Variants in CORIN observed in about 807,000 individuals in gnomAD.
CORIN encodes the protein corin, serine peptidase.
Under a neutral mutation model 125.3 loss-of-function variants are expected in CORIN, and 117 were observed. The ratio of observed to expected loss-of-function variants is 0.93; its 90% CI spans 0.80 to 1.09. The LOEUF is 1.09. Among genes scored for constraint, CORIN ranks in the 50% least tolerant of loss-of-function variants. The pLI is 0.00. For synonymous variants in CORIN, 450 were observed against 466.4 expected (o/e 0.96, Z 0.45); for missense variants, 1,253 against 1,306.7 (o/e 0.96, Z 0.63).
In CORIN at chr4:47,674,467, C is replaced by T; in HGVS notation, c.1283G>A (p.Cys428Tyr). 6.2e-7 allele frequency: 1 copy of T among 1,613,882 alleles called. No individual in the cohort carries two copies. The highest frequency in any genetic ancestry group is 8.5e-7 in the Non-Finnish European group (1 of 1,179,782). ...TGAATCAAGGCAGGGATTGTAGAGG[C>T]ATCTTTGGTCTCCTTCTTGACATGA... ...QTSCQEGDQR[C>Y]LYNPCLDSCG... is the part of the protein sequence containing the mutation. The change falls in exon 10 of 22, where the codon TGC (cysteine) becomes TAC (tyrosine). Residue 428 changes from cysteine (C) to tyrosine (Y), a missense_variant. Coordinates refer to ENST00000273857, the MANE Select transcript of CORIN (RefSeq NM_006587.4).
chr4:47,708,540 G>C (rs1013575364), intron 5 of CORIN, among the ~76,000 whole-genome samples: 1 of 152,114 alleles, frequency 6.6e-6, no homozygotes, highest in African/African-American at 2.4e-5. Context: ...CAGGTCCCAG[G>C]ATTTAGGACA....
At chr4:47,712,840 G>T (rs1242269290) in intron 5 of CORIN, among the ~76,000 whole-genome samples, 1 of 152,072 alleles carries the variant, frequency 6.6e-6, no homozygotes, top group Non-Finnish European at 1.5e-5. Context: ...GGAAAGAAAT[G>T]TGCATCAGAA....
At chr4:47,815,211 C>G (rs1732214531) in intron 1 of CORIN, among the ~76,000 whole-genome samples, 1 of 152,030 alleles carries the variant, frequency 6.6e-6, no homozygotes, top group Non-Finnish European at 1.5e-5. Context: ...AAAGGTCTTT[C>G]TCCAACCACA....
chr4:47,603,174 TG>T (rs1014940529), intron 20 of CORIN, among the ~76,000 whole-genome samples: 4 of 152,140 alleles, frequency 2.6e-5, no homozygotes, highest in Admixed American at 2.0e-4. Flanking sequence ...CGAGGTCTGA[TG>T]GTTTTATAAG....
In CORIN at chr4:47,694,919, A is replaced by C. The variant is rs565090598; in HGVS notation, c.800-1836T>G. Among the ~76,000 whole-genome samples the C allele has an allele frequency of 5.3e-5, 8 of 152,378 alleles. No homozygotes were observed. In the South Asian group the frequency reaches 1.7e-3, roughly 32 times the overall value. ...AGGAAATCAGCATTTCAACTCATTG[A>C]ACATTAAGCATTAGTTGATCTGGTA... On this transcript the variant is annotated intron_variant, in intron 5 of 21. Coordinates refer to ENST00000273857, the MANE Select transcript of CORIN (RefSeq NM_006587.4).
At chr4:47,639,544 T>G (rs1391729473) in intron 16 of CORIN, among the ~76,000 whole-genome samples, 4 of 152,266 alleles carry the variant, frequency 2.6e-5, no homozygotes, top group Non-Finnish European at 5.9e-5. Context: ...AAGTTTTTGA[T>G]GCAGAATATG....
At chr4:47,686,861 A>G (rs1335399763) in intron 6 of CORIN, among the ~76,000 whole-genome samples, 1 of 152,170 alleles carries the variant, frequency 6.6e-6, no homozygotes, top group Non-Finnish European at 1.5e-5. Flanking sequence ...CAGTAGGACT[A>G]CTAGGGAATC....
At chr4:47,749,706 T>C (rs746789255) in intron 4 of CORIN, among the ~76,000 whole-genome samples, 7 of 152,198 alleles carry the variant, frequency 4.6e-5, no homozygotes, top group Non-Finnish European at 1.0e-4. Flanking sequence ...ACACATCACA[T>C]TGTCAGAGGC....
At chr4:47,661,407 T>C (rs935807291) in intron 12 of CORIN, 1 of 222,876 alleles carries the variant, frequency 4.5e-6, no homozygotes, top group African/African-American at 2.3e-5. Context: ...GTGATTATTA[T>C]GCACTGTATG....
intron 5 of CORIN, among the ~76,000 whole-genome samples, chr4:47,742,286 C>T (rs973702584): frequency 3.3e-5 from 5 of 151,822 alleles, no homozygotes. Flanking sequence ...ATATTGAAAA[C>T]CTTCTTCCTG....
At chr4:47,674,559 A>AATT in intron 9 of CORIN, 59 bp from the exon 10 acceptor site, 5 of 1,004,448 alleles carry the variant, frequency 5.0e-6, no homozygotes, top group Non-Finnish European at 8.0e-6. Flanking sequence ...TTACCTAAGG[A>AATT]TCTAAAAGAT....
chr4:47,667,419 G>A (rs1025290628), intron 10 of CORIN, among the ~76,000 whole-genome samples: 7 of 152,324 alleles, frequency 4.6e-5, no homozygotes, highest in East Asian at 1.9e-4. Context: ...CATTCCCTGT[G>A]TGGAGAGGCA....
chr4:47,603,820 G>C (rs1054283084), intron 19 of CORIN, 152 bp from the exon 20 acceptor site: 1 of 818,978 alleles, frequency 1.2e-6, no homozygotes, highest in Non-Finnish European at 1.9e-6. Context: ...TTATATAATA[G>C]CCTGAGTGAT....
intron 10 of CORIN, among the ~76,000 whole-genome samples, chr4:47,672,658 A>C (rs1724812172): frequency 6.6e-6 from 1 of 152,124 alleles, no homozygotes; most frequent in African/African-American, 2.4e-5. Flanking sequence ...ACATATATAC[A>C]CATATATATG....
chr4:47,607,265 C>T (rs565302470), intron 19 of CORIN, among the ~76,000 whole-genome samples: 24 of 152,004 alleles, frequency 1.6e-4, no homozygotes, highest in South Asian at 8.4e-4. Flanking sequence ...AAAATTAGCC[C>T]GGCATGGTGG....
chr4:47,784,886 T>C (rs529512245), intron 3 of CORIN, among the ~76,000 whole-genome samples: 2 of 152,344 alleles, frequency 1.3e-5, no homozygotes, highest in South Asian at 2.1e-4. Flanking sequence ...TTAATACCTA[T>C]AGGTGCTCTG....
intron 3 of CORIN, among the ~76,000 whole-genome samples, chr4:47,773,453 T>C (rs1309345409): frequency 6.6e-6 from 1 of 152,168 alleles, no homozygotes; most frequent in Non-Finnish European, 1.5e-5. Flanking sequence ...AGGGCAGGTC[T>C]GCATACCAAA....
At chr4:47,697,529 C>A (rs1476212393) in intron 5 of CORIN, among the ~76,000 whole-genome samples, 1 of 151,998 alleles carries the variant, frequency 6.6e-6, no homozygotes, top group Non-Finnish European at 1.5e-5. Flanking sequence ...GCCTGGCCAA[C>A]ATGGTGAAAC....
chr4:47,718,043 T>C (rs1727183901), intron 5 of CORIN, among the ~76,000 whole-genome samples: 1 of 152,152 alleles, frequency 6.6e-6, no homozygotes, highest in Non-Finnish European at 1.5e-5. Flanking sequence ...CCAGTAGGAA[T>C]ACAAGTCACC....
Sources: gnomAD v4.1 joint callset for allele counts (sites outside exome capture counted in the v4.1 genomes callset) on GRCh38, gnomAD v4.1.1 for gene constraint, MANE v1.5 for transcripts, NCBI Gene and HGNC (gene_info 2026-07-23, HGNC 2026-07-21) for gene names.